The following RPRD2 variants were observed in gnomAD, a reference collection of about 807,000 sequenced individuals.
The protein encoded by RPRD2 is regulation of nuclear pre-mRNA domain-containing protein 2.
RPRD2 carries 12 observed loss-of-function variants against 104.4 expected under a neutral mutation model. The observed-to-expected ratio is 0.11, with a 90% CI of 0.07 to 0.19. The LOEUF (loss-of-function observed/expected upper bound fraction) is 0.19, where lower values mean the gene tolerates loss of function less well. Among genes scored for constraint, RPRD2 ranks in the 10% least tolerant of loss-of-function variants. The pLI is 1.00. For missense variants in RPRD2, 1,543 were observed against 1,790.1 expected (o/e 0.86, Z 2.49); for synonymous variants, 714 against 684.9 (o/e 1.04, Z -0.66).
In RPRD2 at chr1:150,378,820, T is replaced by G. The variant is rs587638275; in HGVS notation, c.205+13901T>G. 1.1e-4 allele frequency among the ~76,000 whole-genome samples: 16 copies of G among 151,366 alleles called. No individual in the cohort carries two copies. The East Asian group carries it at 3.1e-3, about 29-fold the overall frequency. ...CAAAATGAAGAAACCCCATCTTTAC[T>G]AAAAATACAAAACTTAGCCAGGCAT... On this transcript the variant is annotated intron_variant, in intron 1 of 10. Coordinates refer to ENST00000369068, the MANE Select transcript of RPRD2 (RefSeq NM_015203.5).
chr1:150,473,096 A>G lies in RPRD2; in HGVS notation c.4148A>G (p.His1383Arg), dbSNP rs1668707606. ...TCTCTGGAACACCTGGGCCCACCCCATGGAGGAGGAGGTGGGGGAGGCAGC... is the reference window on the plus strand; with the variant it reads ...TCTCTGGAACACCTGGGCCCACCCCGTGGAGGAGGAGGTGGGGGAGGCAGC... ...SHSLEHLGPP[H>R]GGGGGGGSNS... is the part of the protein sequence containing the mutation. Residue 1383 changes from histidine (H) to arginine (R), a missense_variant, in exon 11 of 11, where the codon CAT (histidine) becomes CGT (arginine). This residue lies in a region of RPRD2 where 880 missense variants were observed against 885.6 expected (regional missense o/e 0.99). Transcript: ENST00000369068. The G allele has an allele frequency of 3.7e-6, 6 of 1,613,956 alleles. No homozygotes were observed. The Middle Eastern group carries it at 8.2e-4, about 222-fold the overall frequency.
intron 1 of RPRD2, among the ~76,000 whole-genome samples, chr1:150,392,191 A>G (rs1662129806): frequency 6.6e-6 from 1 of 152,032 alleles, no homozygotes; most frequent in Non-Finnish European, 1.5e-5. Flanking sequence ...ATCTCAAAAA[A>G]AAAAAGAAAA....
intron 2 of RPRD2, among the ~76,000 whole-genome samples, chr1:150,418,060 C>T (rs1055910439): frequency 6.6e-6 from 1 of 151,922 alleles, no homozygotes; most frequent in Non-Finnish European, 1.5e-5. Flanking sequence ...CTCCGCCTCC[C>T]GGGTTCAAGC....
At chr1:150,366,788 A>G (rs188211255) in intron 1 of RPRD2, among the ~76,000 whole-genome samples, 191 of 152,210 alleles carry the variant, frequency 1.3e-3, no homozygotes, top group Middle Eastern at 6.8e-3. Flanking sequence ...CCTCTTCTCC[A>G]CCCTATTTTA....
rs1213973558 is a variant in RPRD2 at position 150,471,162 on chromosome 1, G to A, written c.2214G>A (p.Met738Ile). The change falls in exon 11 of 11, where the codon ATG (methionine) becomes ATA (isoleucine). Residue 738 changes from methionine to isoleucine, a missense_variant. Coordinates refer to ENST00000369068, the MANE Select transcript of RPRD2 (RefSeq NM_015203.5). The surrounding 1 kb of genome is among the most constrained non-coding windows in gnomAD (Gnocchi z 5.3). ...ERSGTPTQDEMMDKPTSSSVD... is the reference protein window; with the variant it reads ...ERSGTPTQDEIMDKPTSSSVD... ...GTGGGACACCCACCCAGGATGAGATGATGGACAAGCCCACATCCAGCAGTG... is the reference window on the plus strand; with the variant it reads ...GTGGGACACCCACCCAGGATGAGATAATGGACAAGCCCACATCCAGCAGTG... 1 of 1,613,890 alleles carries A rather than the reference G, an allele frequency of 6.2e-7. No homozygotes were observed. The highest frequency in any genetic ancestry group is 1.1e-5 in the South Asian group (1 of 91,070).
chr1:150,390,557 G>C (rs78411404), intron 1 of RPRD2, among the ~76,000 whole-genome samples: 2 of 69,622 alleles, frequency 2.9e-5, no homozygotes, highest in South Asian at 9.8e-4. Context: ...AATTAATAAA[G>C]GAATCTAAAA....
chr1:150,435,327 A>G (rs1051424921), intron 2 of RPRD2, among the ~76,000 whole-genome samples: 3 of 152,196 alleles, frequency 2.0e-5, no homozygotes, highest in African/African-American at 4.8e-5. Context: ...TCAGTGTTCA[A>G]GTGAAAGGAA....
At chr1:150,462,590 G>T (rs1246352999) in intron 9 of RPRD2, among the ~76,000 whole-genome samples, 12 of 151,702 alleles carry the variant, frequency 7.9e-5, no homozygotes, top group Admixed American at 7.9e-4. Context: ...GTCTCACTCT[G>T]TCCCCCAGGC....
rs1476035682 is a variant in RPRD2 at position 150,364,654 on chromosome 1, T to G, written c.-61T>G. On this transcript the variant is annotated 5_prime_UTR_variant, in exon 1 of 11. Coordinates refer to ENST00000369068, the MANE Select transcript of RPRD2 (RefSeq NM_015203.5). ...CACTCGCAGTGATTGTTTTGCCCGC[T>G]CCCGCCGCCGCCGCCGCCGCCGCCG... is the stretch of plus-strand genomic sequence containing the variant. 4 of 883,646 alleles carry G rather than the reference T, an allele frequency of 4.5e-6. No homozygotes were observed. The highest frequency in any genetic ancestry group is 6.9e-6 in the Non-Finnish European group (4 of 579,832). The allele number at this position is 883,646 out of a possible 1,614,324, so 54.7% of individuals were successfully genotyped here. A position where few individuals can be genotyped will look rare whatever the true frequency, so the allele number is the denominator to read the frequency against.
At chr1:150,417,016 G>A (rs150561461) in intron 1 of RPRD2, among the ~76,000 whole-genome samples, 66 of 152,264 alleles carry the variant, frequency 4.3e-4, no homozygotes, top group African/African-American at 1.6e-3. Context: ...AGACTAAGAC[G>A]TATCTGAGTA....
At chr1:150,443,194 T>A in intron 4 of RPRD2, 37 bp from the exon 5 acceptor site, 1 of 1,527,662 alleles carries the variant, frequency 6.5e-7, no homozygotes, top group Non-Finnish European at 8.9e-7. Flanking sequence ...ACTTTTTGTG[T>A]CTGTATTCTT....
Position 150,364,598 on chromosome 1 carries a change from C to CT in RPRD2, c.-116dup, listed in dbSNP as rs1553876801. 1.6e-6 allele frequency: 1 copy of CT among 621,112 alleles called. No individual in the cohort carries two copies. The highest frequency in any genetic ancestry group is 1.9e-5 in the African/African-American group (1 of 53,940). The allele number at this position is 621,112 out of a possible 1,614,324, so 38.5% of individuals were successfully genotyped here. A position where few individuals can be genotyped will look rare whatever the true frequency, so the allele number is the denominator to read the frequency against. ...CCAGCGCGTGCACCATCCCCACCCC[C>CT]TAGCTTCCCTCCCCACCTACGGCTT... On this transcript the variant is annotated 5_prime_UTR_variant, in exon 1 of 11. Coordinates refer to ENST00000369068, the MANE Select transcript of RPRD2 (RefSeq NM_015203.5).
chr1:150,433,082 A>G (rs1553892252), intron 2 of RPRD2, among the ~76,000 whole-genome samples: 3 of 152,100 alleles, frequency 2.0e-5, no homozygotes, highest in African/African-American at 7.2e-5. Flanking sequence ...TGATGTCATT[A>G]TTACACACTA....
chr1:150,436,624 T>A (rs67566205), intron 2 of RPRD2, among the ~76,000 whole-genome samples: 33,365 of 140,740 alleles, frequency 0.24, 4,158 homozygotes, highest in African/African-American at 0.34. Context: ...AATACAGGGC[T>A]GGGCATGGTG....
chr1:150,437,018 C>T (rs1553893294), intron 2 of RPRD2, among the ~76,000 whole-genome samples: 2 of 152,140 alleles, frequency 1.3e-5, no homozygotes, highest in African/African-American at 4.8e-5. Flanking sequence ...TCAGCCTGGG[C>T]AACATTGCGA....
At chr1:150,395,365 T>TTGTGTGTGTGTGTGTG (rs10524632) in intron 1 of RPRD2, among the ~76,000 whole-genome samples, 3,499 of 144,074 alleles carry the variant, frequency 0.024, 86 homozygotes, top group African/African-American at 0.054. Context: ...TAGTATTCCA[T>TTGTGTGTGTGTGTGTG]TGTGTGTGTG....
At chr1:150,397,679 A>G (rs1662634821) in intron 1 of RPRD2, among the ~76,000 whole-genome samples, 1 of 152,162 alleles carries the variant, frequency 6.6e-6, no homozygotes, top group Non-Finnish European at 1.5e-5. Flanking sequence ...AGGATGTTTC[A>G]CAGTTGTTGA....
intron 9 of RPRD2, among the ~76,000 whole-genome samples, chr1:150,462,027 T>C (rs1280686644): frequency 1.3e-5 from 2 of 150,916 alleles, no homozygotes; most frequent in Non-Finnish European, 2.9e-5. Context: ...CTCACGCCTG[T>C]ATTTCCAGCA....
chr1:150,419,970 A>G (rs1664645995), intron 2 of RPRD2, among the ~76,000 whole-genome samples: 1 of 152,122 alleles, frequency 6.6e-6, no homozygotes, highest in Non-Finnish European at 1.5e-5. Context: ...TGGCTTGGAG[A>G]GATTAGGTAA....
Sources: gnomAD v4.1 joint callset for allele counts (sites outside exome capture counted in the v4.1 genomes callset) on GRCh38, gnomAD v4.1.1 for gene constraint, gnomAD v4.1.1 regional missense constraint, Gnocchi (gnomAD v3.1) non-coding constraint, MANE v1.5 for transcripts, NCBI Gene and HGNC (gene_info 2026-07-23, HGNC 2026-07-21) for gene names.